Variants in GRM7 observed in about 807,000 individuals in gnomAD.
GRM7 encodes the protein metabotropic glutamate receptor 7.
GRM7 carries 35 observed loss-of-function variants against 84.5 expected under a neutral mutation model. That is an observed-to-expected ratio of 0.41 (90% confidence interval 0.32 to 0.55). The LOEUF (loss-of-function observed/expected upper bound fraction) is 0.55. Ranked by LOEUF, GRM7 falls within the 20% of genes least tolerant of loss-of-function variation. The pLI, the probability that GRM7 is intolerant of heterozygous loss-of-function variation, is 0.19. For synonymous variants in GRM7, 487 were observed against 455.1 expected (o/e 1.07, Z -0.89); for missense variants, 1,003 against 1,194.6 (o/e 0.84, Z 2.36).
chr3:7,157,000 C>A (rs1384260268), intron 2 of GRM7, among the ~76,000 whole-genome samples: 1 of 151,332 alleles, frequency 6.6e-6, no homozygotes, highest in Non-Finnish European at 1.5e-5. Context: ...TTAGGCAATG[C>A]AAAAAATACT....
At chr3:7,464,454 A>G (rs957232951) in intron 7 of GRM7, among the ~76,000 whole-genome samples, 4 of 152,100 alleles carry the variant, frequency 2.6e-5, no homozygotes, top group Admixed American at 2.6e-4. Context: ...AATGTAAACA[A>G]CCTATAAATG....
intron 7 of GRM7, among the ~76,000 whole-genome samples, chr3:7,510,263 T>C (rs1398452420): frequency 6.6e-6 from 1 of 152,158 alleles, no homozygotes; most frequent in Non-Finnish European, 1.5e-5. Context: ...GAACTTGTCT[T>C]TTGAACATTC....
intron 1 of GRM7, among the ~76,000 whole-genome samples, chr3:6,866,734 C>CA (rs1694950292): frequency 1.3e-5 from 2 of 152,152 alleles, no homozygotes; most frequent in African/African-American, 4.8e-5. Flanking sequence ...GCAAAAATAT[C>CA]AGACTTTTCT....
intron 1 of GRM7, among the ~76,000 whole-genome samples, chr3:6,979,173 C>T (rs572506241): frequency 6.6e-5 from 10 of 152,246 alleles, no homozygotes; most frequent in African/African-American, 2.4e-4. Flanking sequence ...TTTCTAGCTT[C>T]CACGAATTCT....
At chr3:7,460,775 G>A (rs1698214496) in intron 6 of GRM7, among the ~76,000 whole-genome samples, 1 of 152,158 alleles carries the variant, frequency 6.6e-6, no homozygotes, top group Non-Finnish European at 1.5e-5. Context: ...GTTGTTCTAT[G>A]TGGTTAATAT....
chr3:7,024,926 C>T (rs756114100), intron 1 of GRM7, among the ~76,000 whole-genome samples: 26 of 152,232 alleles, frequency 1.7e-4, no homozygotes, highest in Non-Finnish European at 2.9e-4. Context: ...TATTATCTCA[C>T]TGGAGGTTAG....
chr3:7,673,839 T>C (rs1005162795), intron 8 of GRM7, among the ~76,000 whole-genome samples: 3 of 151,866 alleles, frequency 2.0e-5, no homozygotes, highest in Non-Finnish European at 4.4e-5. Flanking sequence ...ATCACATGTT[T>C]ACAAACATGA....
At chr3:7,630,332 C>G (rs7615889) in intron 8 of GRM7, among the ~76,000 whole-genome samples, 1 of 152,230 alleles carries the variant, frequency 6.6e-6, no homozygotes, top group Admixed American at 6.5e-5. Flanking sequence ...ACAAGCATGA[C>G]GAAAGAATCA....
At chr3:6,951,565 A>G (rs979769618) in intron 1 of GRM7, among the ~76,000 whole-genome samples, 15 of 152,118 alleles carry the variant, frequency 9.9e-5, no homozygotes, top group African/African-American at 3.6e-4. Flanking sequence ...GCAGTACATT[A>G]TTTAGTTTAC....
At chr3:7,164,017 G>A (rs981044962) in intron 2 of GRM7, among the ~76,000 whole-genome samples, 5 of 152,146 alleles carry the variant, frequency 3.3e-5, no homozygotes, top group Non-Finnish European at 7.4e-5. Flanking sequence ...AAACATGCAA[G>A]GGACCATCTC....
At chr3:7,114,636 T>G (rs945196813) in intron 1 of GRM7, among the ~76,000 whole-genome samples, 1 of 152,268 alleles carries the variant, frequency 6.6e-6, no homozygotes, top group African/African-American at 2.4e-5. Context: ...GAAAACTTTT[T>G]TCCTCTGCGT....
chr3:7,224,187 G>T (rs1696902539), intron 2 of GRM7, among the ~76,000 whole-genome samples: 3 of 152,202 alleles, frequency 2.0e-5, no homozygotes, highest in African/African-American at 4.8e-5. Flanking sequence ...GGCAGCATCT[G>T]CTCACTTCTG....
At chr3:7,379,735 G>A (rs1368741418) in intron 4 of GRM7, among the ~76,000 whole-genome samples, 1 of 151,944 alleles carries the variant, frequency 6.6e-6, no homozygotes, top group African/African-American at 2.4e-5. Flanking sequence ...ACCACTTTTG[G>A]GAACATGTTT....
chr3:7,506,298 A>G (rs1700037963), intron 7 of GRM7, among the ~76,000 whole-genome samples: 1 of 152,096 alleles, frequency 6.6e-6, no homozygotes, highest in Non-Finnish European at 1.5e-5. Flanking sequence ...TTCTATCAAC[A>G]TTCTAGTCAT....
intron 8 of GRM7, among the ~76,000 whole-genome samples, chr3:7,590,685 C>G (rs1695737335): frequency 6.6e-6 from 1 of 152,146 alleles, no homozygotes; most frequent in African/African-American, 2.4e-5. Context: ...GATATGCCTT[C>G]TTTATAGGAG....
In GRM7 at chr3:6,867,188, A is replaced by G. The variant is rs560667325; in HGVS notation, c.519+5281A>G. 2.0e-4 allele frequency among the ~76,000 whole-genome samples: 30 copies of G among 152,314 alleles called. No homozygotes were observed. The East Asian group carries it at 4.2e-3, about 22-fold the overall frequency. ...GTTTGATTTTAGCCATGTGCAGTGG[A>G]AAGCATTATAGCAAAAGCAGCTGAT... On this transcript the variant is annotated intron_variant, in intron 1 of 9. Transcript: ENST00000357716.
chr3:6,932,317 TTGATATATCCCCATTTATTC>T (rs1322757535), intron 1 of GRM7, among the ~76,000 whole-genome samples: 1 of 152,214 alleles, frequency 6.6e-6, no homozygotes, highest in Non-Finnish European at 1.5e-5. Flanking sequence ...TGCTTTGTAC[TTGATATATCCCCATTTATTC>T]TGATCGAGTA....
In GRM7 at chr3:7,572,850, ATATATATATATATATATATATATATAT is replaced by A. The variant is rs1559411832; in HGVS notation, c.1516-5571_1516-5545del. ...TATATATATATATATATATATATAT[ATATATATATATATATATATATATATAT>A]ATAAATAATCTTTCTACCTATAATA... On this transcript the variant is annotated intron_variant, in intron 7 of 9. Transcript: ENST00000357716. 5.8e-3 allele frequency among the ~76,000 whole-genome samples: 179 copies of A among 30,768 alleles called. 27 individuals carry two copies. The highest frequency in any genetic ancestry group is 0.019 in the African/African-American group (172 of 9,286). The allele number at this position is 30,768 out of a possible 152,430, so 20.2% of individuals were successfully genotyped here.
At chr3:7,419,148 G>A (rs551894961) in intron 5 of GRM7, among the ~76,000 whole-genome samples, 3 of 152,024 alleles carry the variant, frequency 2.0e-5, no homozygotes, top group African/African-American at 7.2e-5. Flanking sequence ...AAACAAGTAC[G>A]TAAGTATAGA....
Sources: allele counts gnomAD v4.1 joint callset (sites outside exome capture counted in the v4.1 genomes callset), GRCh38; gene constraint gnomAD v4.1.1; transcripts MANE v1.5; gene names NCBI Gene and HGNC (gene_info 2026-07-23, HGNC 2026-07-21).